NLGN1: variants seen among roughly 807,000 people sequenced by gnomAD.
The protein encoded by NLGN1 is neuroligin-1.
NLGN1 carries 12 observed loss-of-function variants against 65.5 expected under a neutral mutation model. The observed-to-expected ratio is 0.18, with a 90% CI of 0.12 to 0.30. The LOEUF is 0.30. Among genes scored for constraint, NLGN1 ranks in the 10% least tolerant of loss-of-function variants. NLGN1 has a pLI of 1.00. For synonymous variants in NLGN1, 350 were observed against 359.5 expected, an observed-to-expected ratio of 0.97 and a Z score of 0.30; for missense variants, 750 against 1,007.1, an observed-to-expected ratio of 0.74 and a Z score of 3.46.
chr3:174,007,199 A>G (rs1229148948), intron 4 of NLGN1, among the ~76,000 whole-genome samples: 1 of 152,178 alleles, frequency 6.6e-6, no homozygotes, highest in East Asian at 1.9e-4. Context: ...AGGCCTCAAG[A>G]GAAACCAAAC....
At chr3:174,158,893 C>G (rs941410162) in intron 4 of NLGN1, among the ~76,000 whole-genome samples, 7 of 151,668 alleles carry the variant, frequency 4.6e-5, no homozygotes, top group Admixed American at 2.6e-4. Flanking sequence ...CCTTCACTTT[C>G]TATTTTAATC....
At chr3:173,685,681 G>A (rs1764581556) in intron 3 of NLGN1, 2 of 985,218 alleles carry the variant, frequency 2.0e-6, no homozygotes, top group Admixed American at 6.2e-5. Context: ...TGTCATGTAA[G>A]GACTCAAATC....
In NLGN1 at chr3:174,261,569, CT is replaced by C. The variant is rs1379568272; in HGVS notation, c.647-13744del. On this transcript the variant is annotated intron_variant, in intron 4 of 6. Coordinates refer to ENST00000457714, the Ensembl canonical transcript of NLGN1. ...AGACTTTGCTGAAGTTGCTTATCAG[CT>C]TAAGGAGATTTTGGGCTGAGACAAT... Among the ~76,000 whole-genome samples, 68 of 138,334 alleles carry C rather than the reference CT, an allele frequency of 4.9e-4. No individual in the cohort carries two copies. In the East Asian group the frequency reaches 0.013, roughly 26 times the overall value. The allele number at this position is 138,334 out of a possible 152,430, so 90.8% of individuals were successfully genotyped here.
In NLGN1 at chr3:173,566,181, C is replaced by T. The variant is rs191039131; in HGVS notation, c.-320-38098C>T. On this transcript the variant is annotated intron_variant, in intron 2 of 6. Coordinates refer to ENST00000457714, the Ensembl canonical transcript of NLGN1. ...AGCTTGAAAATATTCATGACTGTAT[C>T]TGGTTAGTAAATGGGTTAACCGATC... is the stretch of plus-strand genomic sequence containing the variant. Among the ~76,000 whole-genome samples, 295 of 152,218 alleles carry T rather than the reference C, an allele frequency of 1.9e-3. 1 individual carries two copies. The highest frequency in any genetic ancestry group is 6.7e-3 in the African/African-American group (278 of 41,540).
chr3:173,920,653 TTAA>T (rs1741810921), intron 4 of NLGN1: 1 of 152,146 alleles, frequency 6.6e-6, no homozygotes, highest in South Asian at 2.1e-4. Flanking sequence ...AACACTCTAT[TTAA>T]GGTTCACAAC....
intron 4 of NLGN1, among the ~76,000 whole-genome samples, chr3:173,906,878 C>CAAAAAAAAAAA (rs1224471514): frequency 6.1e-4 from 54 of 88,096 alleles, no homozygotes; most frequent in Admixed American, 1.2e-3. Context: ...CAAACAAAAA[C>CAAAAAAAAAAA]AAAAAAAAAA....
chr3:173,582,552 G>T (rs1054170650), intron 2 of NLGN1, among the ~76,000 whole-genome samples: 8 of 151,918 alleles, frequency 5.3e-5, no homozygotes, highest in Middle Eastern at 3.2e-3. Flanking sequence ...TAACTAGGGG[G>T]ATTGAGGACC....
At chr3:174,159,102 A>C (rs188046536) in intron 4 of NLGN1, among the ~76,000 whole-genome samples, 51 of 151,854 alleles carry the variant, frequency 3.4e-4, no homozygotes, top group African/African-American at 1.1e-3. Flanking sequence ...CTATTCATCC[A>C]GTATACCCTC....
chr3:174,183,414 T>G lies in NLGN1; in HGVS notation c.647-91901T>G, dbSNP rs146180001. On this transcript the variant is annotated intron_variant, in intron 4 of 6. Transcript: ENST00000457714. ...CTACCCATATTCAAGATGTGAAAGA[T>G]GTTTTAATAACTGTTGGTTAAAAGA... 3.4e-3 allele frequency among the ~76,000 whole-genome samples: 518 copies of G among 152,290 alleles called. 2 individuals are homozygous for G. Among genetic ancestry groups the G allele is most frequent in the African/African-American group, 0.012 (495 of 41,574 alleles).
At chr3:173,791,189 C>T (rs559681378) in intron 3 of NLGN1, among the ~76,000 whole-genome samples, 32 of 152,116 alleles carry the variant, frequency 2.1e-4, no homozygotes, top group Admixed American at 7.2e-4. Flanking sequence ...GTAAGGGTAT[C>T]CTGGGAAATT....
At chr3:174,191,577 C>G (rs1297228127) in intron 4 of NLGN1, among the ~76,000 whole-genome samples, 2 of 152,154 alleles carry the variant, frequency 1.3e-5, no homozygotes, top group Non-Finnish European at 2.9e-5. Flanking sequence ...AAAAATGAAA[C>G]TACAAATCAC....
At chr3:174,212,081 C>T (rs1448462784) in intron 4 of NLGN1, among the ~76,000 whole-genome samples, 1 of 152,188 alleles carries the variant, frequency 6.6e-6, no homozygotes, top group African/African-American at 2.4e-5. Context: ...GGGGAAGGCT[C>T]AGGCATGGCG....
At chr3:173,569,140 C>T (rs1744213981) in intron 2 of NLGN1, among the ~76,000 whole-genome samples, 1 of 152,024 alleles carries the variant, frequency 6.6e-6, no homozygotes, top group Non-Finnish European at 1.5e-5. Context: ...CCTATCAGTT[C>T]TAGGAGAACA....
At chr3:173,610,213 AAAG>A (rs1363564351) in intron 3 of NLGN1, among the ~76,000 whole-genome samples, 2 of 152,104 alleles carry the variant, frequency 1.3e-5, no homozygotes, top group South Asian at 2.1e-4. Flanking sequence ...CTGTGAAAGA[AAAG>A]AAGAAGTCAA....
At chr3:173,604,817 T>G (rs997502640) in exon 3 of NLGN1, 2 of 1,613,590 alleles carry the variant, frequency 1.2e-6, no homozygotes, top group African/African-American at 1.3e-5. Context: ...ATAATGAAAT[T>G]TTGGGGCCTG....
At chr3:173,993,004 G>T (rs1029692549) in intron 4 of NLGN1, among the ~76,000 whole-genome samples, 1 of 152,092 alleles carries the variant, frequency 6.6e-6, no homozygotes, top group African/African-American at 2.4e-5. Flanking sequence ...AGTACAAGAG[G>T]CTATTTAATC....
At chr3:174,072,131 G>T (rs1740022171) in intron 4 of NLGN1, among the ~76,000 whole-genome samples, 1 of 152,188 alleles carries the variant, frequency 6.6e-6, no homozygotes, top group Non-Finnish European at 1.5e-5. Flanking sequence ...TCTTTGAAAA[G>T]TAAGTCTAAG....
rs550033265 is a variant in NLGN1, at chr3:173,462,728, T to A, written c.-321+27650T>A. Among the ~76,000 whole-genome samples the A allele has an allele frequency of 3.9e-5, 6 of 152,298 alleles. No individual in the cohort carries two copies. In the South Asian group the frequency reaches 1.2e-3, roughly 32 times the overall value. ...ATCATTTATTTCTGTTTCAACTTAT[T>A]TTGCATGCAGTGGTTATTATGTACT... On this transcript the variant is annotated intron_variant, in intron 2 of 6. Transcript: ENST00000457714.
At chr3:173,617,088 C>T (rs116209298) in intron 3 of NLGN1, among the ~76,000 whole-genome samples, 1,563 of 152,194 alleles carry the variant, frequency 0.01, 32 homozygotes, top group African/African-American at 0.035. Flanking sequence ...GCTGATCCTT[C>T]TACTTTTAAT....
Sources: allele counts gnomAD v4.1 joint callset (sites outside exome capture counted in the v4.1 genomes callset), GRCh38; gene constraint gnomAD v4.1.1; transcripts MANE v1.5; gene names NCBI Gene and HGNC (gene_info 2026-07-23, HGNC 2026-07-21).